NEBL: variants seen among roughly 807,000 people sequenced by gnomAD.
NEBL encodes the protein nebulette, also known as LIM and SH3 protein 2.
Under a neutral mutation model 140.2 loss-of-function variants are expected in NEBL, and 122 were observed. The ratio of observed to expected loss-of-function variants is 0.87; its 90% CI spans 0.75 to 1.01. NEBL has a LOEUF of 1.01. Among genes scored for constraint, NEBL ranks in the 50% least tolerant of loss-of-function variants. The pLI is 0.00. For synonymous variants in NEBL, 436 were observed against 398.9 expected (o/e 1.09, Z -1.11); for missense variants, 1,365 against 1,231.3 (o/e 1.11, Z -1.62).
At chr10:21,011,608 T>C (rs957123212) in intron 3 of NEBL, among the ~76,000 whole-genome samples, 1 of 152,182 alleles carries the variant, frequency 6.6e-6, no homozygotes, top group Non-Finnish European at 1.5e-5. Context: ...GTGTCTCCTG[T>C]CCTCTCAGGT....
intron 4 of NEBL, among the ~76,000 whole-genome samples, chr10:20,908,827 C>G (rs1198278544): frequency 6.6e-6 from 1 of 152,058 alleles, no homozygotes; most frequent in Non-Finnish European, 1.5e-5. Context: ...TAATCTTCCA[C>G]ATTTTTAAAT....
At chr10:21,251,544 T>C (rs922932439) in intron 2 of NEBL, among the ~76,000 whole-genome samples, 3 of 152,218 alleles carry the variant, frequency 2.0e-5, no homozygotes, top group African/African-American at 4.8e-5. Flanking sequence ...TCTCTGCAGA[T>C]GTCCCTTCTC....
intron 1 of NEBL, among the ~76,000 whole-genome samples, chr10:21,267,348 A>G (rs1002268802): frequency 1.3e-5 from 2 of 151,898 alleles, no homozygotes; most frequent in African/African-American, 4.8e-5. Flanking sequence ...TCCTGACCTC[A>G]AGTGATCTGC....
intron 3 of NEBL, among the ~76,000 whole-genome samples, chr10:20,986,978 G>T (rs1372558337): frequency 1.3e-5 from 2 of 152,160 alleles, no homozygotes; most frequent in African/African-American, 4.8e-5. Context: ...TATCTTTGGA[G>T]TCCTATTTTA....
chr10:21,178,207 C>T (rs11012558), upstream of NEBL, among the ~76,000 whole-genome samples: 9,101 of 152,148 alleles, frequency 0.06, 447 homozygotes, highest in East Asian at 0.21. Context: ...AAAATACAAA[C>T]ATTAGGGGAA....
At chr10:20,859,219 AAC>A (rs1407981332) in intron 8 of NEBL, among the ~76,000 whole-genome samples, 4 of 152,112 alleles carry the variant, frequency 2.6e-5, no homozygotes, top group African/African-American at 4.8e-5. Context: ...GATTTTTAAA[AAC>A]ACAGAATGAA....
chr10:21,101,950 A>G (rs1344736038), intron 2 of NEBL, among the ~76,000 whole-genome samples: 1 of 152,246 alleles, frequency 6.6e-6, no homozygotes. Flanking sequence ...GCATTGTCCA[A>G]GACAGAGTAG....
intron 7 of NEBL, chr10:20,867,916 A>G (rs1397443585): frequency 6.6e-6 from 1 of 152,024 alleles, no homozygotes; most frequent in Non-Finnish European, 1.5e-5. Flanking sequence ...ATATTGATTT[A>G]ATTTCAGTGG....
At chr10:21,025,715 T>C (rs971280734) in intron 2 of NEBL, among the ~76,000 whole-genome samples, 3 of 152,170 alleles carry the variant, frequency 2.0e-5, no homozygotes, top group African/African-American at 7.2e-5. Context: ...CCTGGGTTTG[T>C]ACTTGGCTTG....
chr10:21,205,271 G>C (rs898831413), intron 3 of NEBL, among the ~76,000 whole-genome samples: 1 of 152,202 alleles, frequency 6.6e-6, no homozygotes, highest in Non-Finnish European at 1.5e-5. Flanking sequence ...TTAACATTTT[G>C]TTTACCATGT....
intron 3 of NEBL, among the ~76,000 whole-genome samples, chr10:21,237,780 T>C (rs11012605): frequency 0.069 from 10,448 of 151,992 alleles, 430 homozygotes; most frequent in South Asian, 0.14. Flanking sequence ...CTAATTTTTG[T>C]ATTTTTAATA....
Position 20,965,314 on chromosome 10 carries a change from C to T in NEBL, c.250-3535G>A, listed in dbSNP as rs190793062. Among the ~76,000 whole-genome samples the T allele has an allele frequency of 3.7e-3, 569 of 152,228 alleles. 2 individuals carry two copies. The highest frequency in any genetic ancestry group is 6.2e-3 in the Non-Finnish European group (423 of 68,020). ...GGGAAGCGCTAAGAGAGAAAAATAG[C>T]GAGACAAGGGGACGTGAAGTGTCAG... On this transcript the variant is annotated intron_variant, in intron 3 of 6. Transcript: ENST00000417816.
At chr10:21,042,357 A>G (rs1834311544) in intron 2 of NEBL, among the ~76,000 whole-genome samples, 1 of 152,226 alleles carries the variant, frequency 6.6e-6, no homozygotes, top group South Asian at 2.1e-4. Context: ...GTTGGCTCAC[A>G]CTGGCTCATG....
At chr10:21,284,355 C>T (rs1206550749) in intron 1 of NEBL, among the ~76,000 whole-genome samples, 3 of 151,980 alleles carry the variant, frequency 2.0e-5, no homozygotes, top group Non-Finnish European at 4.4e-5. Flanking sequence ...AATGCCTAGG[C>T]CTGATCACCG....
intron 9 of NEBL, among the ~76,000 whole-genome samples, chr10:20,854,451 G>T (rs1035938649): frequency 1.3e-5 from 2 of 152,072 alleles, no homozygotes; most frequent in African/African-American, 4.8e-5. Context: ...CTGGCCTCAG[G>T]TGCTTCCACT....
At chr10:21,245,386 G>A (rs1842502918) in intron 3 of NEBL, among the ~76,000 whole-genome samples, 1 of 152,170 alleles carries the variant, frequency 6.6e-6, no homozygotes, top group African/African-American at 2.4e-5. Flanking sequence ...ATATCATACT[G>A]AATACATTAC....
rs1439798119 is a variant in NEBL at position 20,868,885 on chromosome 10, C to T, written c.583-120G>A. On this transcript the variant is annotated intron_variant, in intron 6 of 27. Coordinates refer to ENST00000377122, the MANE Select transcript of NEBL (RefSeq NM_006393.3). ...CATCTCATTAATATTCCTTACAACACATCAAACACTAAAATGTTGACTGCT... is the reference window on the plus strand; with the variant it reads ...CATCTCATTAATATTCCTTACAACATATCAAACACTAAAATGTTGACTGCT... 1.4e-5 allele frequency: 10 copies of T among 714,038 alleles called. No homozygotes were observed. The East Asian group carries it at 2.1e-4, about 15-fold the overall frequency. 44.2% of individuals were successfully genotyped at this position (714,038 alleles called of 1,614,324 possible).
rs145195196 is a variant in NEBL at position 21,221,043 on chromosome 10, T to C, written n.348+26878A>G. 1.6e-3 allele frequency among the ~76,000 whole-genome samples: 237 copies of C among 152,118 alleles called. 2 individuals carry two copies. The highest frequency in any genetic ancestry group is 2.1e-3 in the African/African-American group (89 of 41,516). ...TAGTGGCATGCACCTGGAGTCCCAG[T>C]AGTCAGGAGCTGAGGTGGGAGGATT... is the stretch of plus-strand genomic sequence containing the variant. On this transcript the variant is annotated intron_variant and non_coding_transcript_variant, in intron 3 of 8. Coordinates refer to the NEBL transcript ENST00000675702.
At chr10:20,796,352 C>G (rs1410876366) in intron 26 of NEBL, among the ~76,000 whole-genome samples, 1 of 97,272 alleles carries the variant, frequency 1.0e-5, no homozygotes, top group African/African-American at 4.2e-5. Flanking sequence ...AAGAGTGAAA[C>G]TCAGTCTAAA....
Sources: allele counts gnomAD v4.1 joint callset (sites outside exome capture counted in the v4.1 genomes callset), GRCh38; gene constraint gnomAD v4.1.1; transcripts MANE v1.5; gene names NCBI Gene and HGNC (gene_info 2026-07-23, HGNC 2026-07-21).